Variants in UGT1A3 observed in about 807,000 individuals in gnomAD.
UGT1A3 encodes the protein UDP glucuronosyltransferase family 1 member A3.
UGT1A3 carries 31 observed loss-of-function variants against 41.0 expected under a neutral mutation model. That is an observed-to-expected ratio of 0.76 (90% CI 0.57 to 1.02). UGT1A3 has a LOEUF of 1.02. UGT1A3 is among the 50% of genes least tolerant of loss of function. The pLI, the probability that UGT1A3 is intolerant of heterozygous loss-of-function variation, is 0.00. For missense variants in UGT1A3, 737 were observed against 671.0 expected (o/e 1.10, Z -1.09); for synonymous variants, 262 against 257.6 (o/e 1.02, Z -0.17).
intron 1 of UGT1A3, chr2:233,742,978 TA>T: frequency 8.7e-6 from 2 of 230,188 alleles, no homozygotes; most frequent in Non-Finnish European, 1.7e-5. Flanking sequence ...GGCTTAAGTT[TA>T]ATAAATAGCA....
At chr2:233,730,078 T>C (rs1454977100) in intron 1 of UGT1A3, 85 bp downstream of exon 1, 3 of 1,605,302 alleles carry the variant, frequency 1.9e-6, no homozygotes, top group East Asian at 2.3e-5. Flanking sequence ...GCTTCCATAT[T>C]TACTTATCTT....
At chr2:233,743,505 A>G (rs761358710) in intron 1 of UGT1A3, 1 of 1,367,266 alleles carries the variant, frequency 7.3e-7, no homozygotes, top group Non-Finnish European at 9.8e-7. Context: ...AAAGGGGTGC[A>G]GACGCTCTGC....
intron 1 of UGT1A3, among the ~76,000 whole-genome samples, chr2:233,765,988 G>A (rs909645564): frequency 6.6e-6 from 1 of 152,138 alleles, no homozygotes; most frequent in Non-Finnish European, 1.5e-5. Flanking sequence ...AGCTCCTGAA[G>A]CTCCAGTGGG....
intron 1 of UGT1A3, among the ~76,000 whole-genome samples, chr2:233,763,956 G>A (rs1159458395): frequency 1.3e-5 from 2 of 152,194 alleles, no homozygotes; most frequent in Admixed American, 1.3e-4. Context: ...GAGCAGGGAA[G>A]GTTGAGATAT....
intron 1 of UGT1A3, 61 bp downstream of exon 1, chr2:233,730,054 A>T (rs2077976978): frequency 1.2e-6 from 2 of 1,611,936 alleles, no homozygotes; most frequent in East Asian, 4.5e-5. Context: ...AAAAAAATGT[A>T]TTTATTTAAA....
Position 233,729,900 on chromosome 2 carries a change from A to G in UGT1A3, c.774A>G (p.Arg258=). 1 of 1,613,884 alleles carries G rather than the reference A, an allele frequency of 6.2e-7. No homozygotes were observed. The highest frequency in any genetic ancestry group is 8.5e-7 in the Non-Finnish European group (1 of 1,179,884). ...ILSHASVWLF[R]GDFVMDYPRP... is the part of the protein sequence containing the mutation. ...GTCATGCATCTGTGTGGCTGTTCCG[A>G]GGGGACTTTGTGATGGACTACCCCA... The change falls in exon 1 of 5, where the codon CGA becomes CGG. Residue 258 remains arginine (R), a synonymous_variant. Transcript: ENST00000482026.
At chr2:233,736,342 C>T (rs549805148) in intron 1 of UGT1A3, among the ~76,000 whole-genome samples, 123 of 152,282 alleles carry the variant, frequency 8.1e-4, no homozygotes, top group Admixed American at 3.1e-3. Flanking sequence ...AGTTCTTGTG[C>T]CATGGTTTTC....
intron 1 of UGT1A3, chr2:233,743,656 G>T (rs528527073): frequency 7.3e-7 from 1 of 1,367,266 alleles, no homozygotes; most frequent in Admixed American, 1.9e-5. Flanking sequence ...AGACGTACTC[G>T]AAGGGGTCCT....
At chr2:233,743,161 G>A in intron 1 of UGT1A3, 1 of 361,140 alleles carries the variant, frequency 2.8e-6, no homozygotes, top group South Asian at 2.1e-5. Flanking sequence ...TCCTCCAGAT[G>A]TGCTTAAAGT....
intron 1 of UGT1A3, among the ~76,000 whole-genome samples, chr2:233,751,911 A>T (rs1694846299): frequency 6.6e-6 from 1 of 152,190 alleles, no homozygotes; most frequent in African/African-American, 2.4e-5. Context: ...GAACAGACTA[A>T]TACAAGATTG....
intron 1 of UGT1A3, among the ~76,000 whole-genome samples, chr2:233,734,931 C>A (rs921627257): frequency 5.3e-5 from 8 of 152,162 alleles, no homozygotes; most frequent in African/African-American, 1.7e-4. Context: ...GCTTTACTTA[C>A]AATCATATGG....
At chr2:233,760,719 C>A in intron 1 of UGT1A3, 4 of 1,614,206 alleles carry the variant, frequency 2.5e-6, no homozygotes, top group Non-Finnish European at 3.4e-6. Flanking sequence ...CAGAAAGCAG[C>A]TTTGATGTCA....
chr2:233,743,634 C>T (rs776464072), intron 1 of UGT1A3: 4 of 1,367,180 alleles, frequency 2.9e-6, no homozygotes, highest in Non-Finnish European at 2.0e-6. Flanking sequence ...TCGGCTGGGT[C>T]GCGGAAGCTG....
Position 233,729,541 on chromosome 2 carries a change from A to G in UGT1A3, c.415A>G (p.Arg139Gly), listed in dbSNP as rs750509875. ...VELLHNEALI[R>G]HLNATSFDVV... The stretch of plus-strand genomic sequence containing the variant: ...GCTACTACATAATGAGGCCCTGATC[A>G]GGCACCTGAATGCTACTTCCTTTGA... The change falls in exon 1 of 5, where the codon AGG becomes GGG. Residue 139 changes from arginine (R) to glycine (G), a missense_variant. Transcript: ENST00000482026. 1 of 1,614,224 alleles carries G rather than the reference A, an allele frequency of 6.2e-7. No individual in the cohort carries two copies. Among genetic ancestry groups the G allele is most frequent in the South Asian group, 1.1e-5 (1 of 91,078 alleles).
Position 233,769,475 on chromosome 2 carries a change from G to T in UGT1A3, c.1307+1036G>T. On this transcript the variant is annotated intron_variant, in intron 4 of 4. Coordinates refer to ENST00000482026, the MANE Select transcript of UGT1A3 (RefSeq NM_019093.4). The surrounding 1 kb of genome is among the most constrained non-coding windows in gnomAD (Gnocchi z 4.4). Reference sequence around the variant, plus strand: ...TGTGCATTCATATGCGTGTGTGTGTGTGTGCGTGTGTTTATGAGAGTGTCC... The same window carrying T: ...TGTGCATTCATATGCGTGTGTGTGTTTGTGCGTGTGTTTATGAGAGTGTCC... 6.2e-7 allele frequency: 1 copy of T among 1,611,166 alleles called. No homozygotes were observed.
intron 4 of UGT1A3, among the ~76,000 whole-genome samples, chr2:233,771,794 C>G (rs913626995): frequency 6.8e-6 from 1 of 146,546 alleles, no homozygotes; most frequent in Non-Finnish European, 1.5e-5. Flanking sequence ...CTCCCTCCCT[C>G]CCTCCCTCCC....
chr2:233,745,781 C>A (rs1693207389), intron 1 of UGT1A3, among the ~76,000 whole-genome samples: 1 of 150,162 alleles, frequency 6.7e-6, no homozygotes, highest in Non-Finnish European at 1.5e-5. Flanking sequence ...TGAGCTTAGA[C>A]AGGGGGGCTG....
At position 233,729,991 on chromosome 2, in the gene UGT1A3, C is replaced by G; in HGVS notation, c.865C>G (p.Gln289Glu). The change falls in exon 1 of 5, where the codon CAG (glutamine) becomes GAG (glutamate). Residue 289 changes from glutamine to glutamate, a missense_variant and splice_region_variant. Gln to Glu is a conservative substitution (Grantham distance 29). Coordinates refer to ENST00000482026, the MANE Select transcript of UGT1A3 (RefSeq NM_019093.4). ...INCANRKPLS[Q>E]EFEAYINASG... Reference sequence around the variant, plus strand: ...CTGTGCCAACAGGAAGCCACTATCTCAGGTCTGTATTGGTGCCTTCATCCA... The same window carrying G: ...CTGTGCCAACAGGAAGCCACTATCTGAGGTCTGTATTGGTGCCTTCATCCA... The G allele has an allele frequency of 1.2e-6, 2 of 1,614,020 alleles. No homozygotes were observed. Among genetic ancestry groups the G allele is most frequent in the Non-Finnish European group, 1.7e-6 (2 of 1,179,914 alleles).
chr2:233,769,824 C>A lies in UGT1A3; in HGVS notation c.1307+1385C>A. On this transcript the variant is annotated intron_variant, in intron 4 of 4. Transcript: ENST00000482026. This position sits in a 1 kb window ranked among gnomAD's most constrained non-coding sequence, Gnocchi z 4.4. The stretch of plus-strand genomic sequence containing the variant: ...GAGCCGTGATCATGCCACTGCACTC[C>A]AGCAACCTGGGCAACAGAGTGAGAC... 2 of 763,338 alleles carry A rather than the reference C, an allele frequency of 2.6e-6. No homozygotes were observed. The highest frequency in any genetic ancestry group is 3.7e-6 in the Non-Finnish European group (2 of 534,878). The allele number at this position is 763,338 out of a possible 1,614,324, so 47.3% of individuals were successfully genotyped here. A position where few individuals can be genotyped will look rare whatever the true frequency, so the allele number is the denominator to read the frequency against.
Sources: allele counts gnomAD v4.1 joint callset (sites outside exome capture counted in the v4.1 genomes callset), GRCh38; gene constraint gnomAD v4.1.1; non-coding constraint Gnocchi (gnomAD v3.1); transcripts MANE v1.5; gene names NCBI Gene and HGNC (gene_info 2026-07-23, HGNC 2026-07-21).